Variants in MACF1 observed in about 807,000 individuals in gnomAD.
MACF1 encodes the protein microtubule actin crosslinking factor 1.
A neutral mutation model predicts 854.8 loss-of-function variants in MACF1; 193 were observed. The observed-to-expected ratio is 0.23, with a 90% confidence interval of 0.20 to 0.25. The LOEUF is 0.25. Among genes scored for constraint, MACF1 ranks in the 10% least tolerant of loss-of-function variants. The pLI is 1.00. For synonymous variants in MACF1, 3,185 were observed against 3,226.7 expected (o/e 0.99, Z 0.44); for missense variants, 7,722 against 8,929.1 (o/e 0.86, Z 5.45).
intron 52 of MACF1, 43 bp from the exon 53 acceptor site, chr1:39,378,418 C>T (rs1557619153): frequency 6.8e-7 from 1 of 1,467,226 alleles, no homozygotes. Flanking sequence ...GTATTCCTAA[C>T]ACGTTGGTCT....
rs573837366 is a variant in MACF1 at position 39,368,233 on chromosome 1, C to T, written c.12857C>T (p.Ala4286Val). The T allele has an allele frequency of 3.9e-5, 63 of 1,614,014 alleles. No homozygotes were observed. Among genetic ancestry groups the T allele is most frequent in the Middle Eastern group, 3.3e-4 (2 of 6,060 alleles). ...ACTGAACTGAGCTCTTGTGGCTTTG[C>T]GCTGGACTTGTGCCAGCATCAGGAC... ...LVTELSSCGF[A>V]LDLCQHQDRV... The change falls in exon 50 of 101, where the codon GCG (alanine) becomes GTG (valine). Residue 4286 changes from alanine to valine, a missense_variant. This residue lies in a region of MACF1 where 2,807 missense variants were observed against 3,235.8 expected (regional missense o/e 0.87). Transcript: ENST00000564288.
At chr1:39,262,439 C>T (rs1243075295) in intron 6 of MACF1, among the ~76,000 whole-genome samples, 3 of 122,404 alleles carry the variant, frequency 2.5e-5, no homozygotes, top group African/African-American at 8.8e-5. Context: ...ACAGAAGATA[C>T]AAAATTGAAC....
At position 39,359,155 on chromosome 1, in the gene MACF1, A is replaced by C; in HGVS notation, c.12135A>C (p.Glu4045Asp). ...TGGACAAGCAGCAGTTGCAGGAGGA[A>C]TTGGCTGAGCACCAAGTACCTGTGG... ...QLATTKQLQE[E>D]LAEHQVPVEK... Residue 4045 changes from glutamate to aspartate, a missense_variant, in exon 47 of 101, where the codon GAA (glutamate) becomes GAC (aspartate). Around this residue, in one of 15 missense-constraint regions of MACF1, gnomAD observed 2,807 missense variants for 3,235.8 expected, o/e 0.87. Transcript: ENST00000564288. 6.2e-7 allele frequency: 1 copy of C among 1,614,088 alleles called. No homozygotes were observed. The highest frequency in any genetic ancestry group is 1.1e-5 in the South Asian group (1 of 91,080).
rs978446329 is a variant in MACF1 at position 39,460,427 on chromosome 1, A to G, written c.21361-205A>G. Among the ~76,000 whole-genome samples, 9 of 152,206 alleles carry G rather than the reference A, an allele frequency of 5.9e-5. No homozygotes were observed. The highest frequency in any genetic ancestry group is 1.9e-4 in the African/African-American group (8 of 41,446). On this transcript the variant is annotated intron_variant, in intron 91 of 100. Transcript: ENST00000564288. The surrounding 1 kb of genome is among the most constrained non-coding windows in gnomAD (Gnocchi z 4.1). ...CAGTTATTGTTTCTCTTGCTATTCC[A>G]TTATACCATAGCTCGTGTAAATAGT... is the stretch of plus-strand genomic sequence containing the variant.
intron 52 of MACF1, among the ~76,000 whole-genome samples, chr1:39,373,896 G>A (rs1207500375): frequency 3.3e-5 from 5 of 150,798 alleles, no homozygotes; most frequent in Non-Finnish European, 7.4e-5. Context: ...TACAAAGATT[G>A]TGCCCAGATG....
intron 100 of MACF1, chr1:39,484,993 T>C (rs967797377): frequency 1.5e-5 from 8 of 526,736 alleles, no homozygotes; most frequent in Admixed American, 1.4e-4. Flanking sequence ...TTTGAGAGAA[T>C]GTAAAAGGAA....
intron 2 of MACF1, among the ~76,000 whole-genome samples, chr1:39,091,827 C>A (rs1239109014): frequency 6.6e-6 from 1 of 152,168 alleles, no homozygotes; most frequent in East Asian, 1.9e-4. Flanking sequence ...TCATGAATAT[C>A]ATTCATTCAC....
At chr1:39,093,084 A>G (rs1001140657) in intron 2 of MACF1, among the ~76,000 whole-genome samples, 2 of 151,852 alleles carry the variant, frequency 1.3e-5, no homozygotes, top group African/African-American at 4.8e-5. Flanking sequence ...GCGCCTGGCA[A>G]GTTCCTGTTT....
chr1:39,254,727 G>T (rs1645079045), intron 5 of MACF1: 2 of 258,584 alleles, frequency 7.7e-6, no homozygotes, highest in Non-Finnish European at 1.5e-5. Flanking sequence ...GAACCAGATT[G>T]CTATATCAAG....
chr1:39,122,337 C>T (rs1455768355), intron 2 of MACF1, among the ~76,000 whole-genome samples: 2 of 151,640 alleles, frequency 1.3e-5, no homozygotes, highest in Admixed American at 6.6e-5. Flanking sequence ...TCACTACAAC[C>T]TCTGCCTCCT....
intron 66 of MACF1, 30 bp from the exon 67 acceptor site, chr1:39,432,505 T>A (rs1440658082): frequency 2.7e-5 from 44 of 1,608,052 alleles, no homozygotes; most frequent in Non-Finnish European, 3.7e-5. Flanking sequence ...TGTATATAAT[T>A]TGTTTATTTT....
chr1:39,302,928 C>T lies in MACF1; in HGVS notation c.2639C>T (p.Thr880Ile). The change falls in exon 23 of 101, where the codon ACT becomes ATT. Residue 880 changes from threonine to isoleucine, a missense_variant. Transcript: ENST00000564288. ...AVCDYRQIEITICKNDECVLE... is the reference protein window; with the variant it reads ...AVCDYRQIEIIICKNDECVLE... ...CTGGTAAATTTATCTCTTCAGATTA[C>T]TATTTGCAAAAATGATGAATGTGTG... 6.2e-7 allele frequency: 1 copy of T among 1,613,620 alleles called. No individual in the cohort carries two copies. Among genetic ancestry groups the T allele is most frequent in the Non-Finnish European group, 8.5e-7 (1 of 1,179,620 alleles).
In MACF1 at chr1:39,385,733, A is replaced by G; in HGVS notation, c.14148A>G (p.Pro4716=). The G allele has an allele frequency of 6.2e-7, 1 of 1,614,224 alleles. No individual in the cohort carries two copies. The highest frequency in any genetic ancestry group is 1.1e-5 in the South Asian group (1 of 91,088). The change falls in exon 57 of 101, where the codon CCA becomes CCG. Residue 4716 remains proline (P), a synonymous_variant. Transcript: ENST00000564288. ...TCCAGTCAGCTATCAGCACCCAACC[A>G]GAGGCTGTAAAGCAGCAATTGGAAG... ...LSVQSAISTQ[P]EAVKQQLEET... is the part of the protein sequence containing the mutation.
Position 39,250,014 on chromosome 1 carries a change from G to C in MACF1, c.172G>C (p.Val58Leu), listed in dbSNP as rs753594860. 8.8e-6 allele frequency: 14 copies of C among 1,597,750 alleles called. No individual in the cohort carries two copies. The highest frequency in any genetic ancestry group is 5.5e-5 in the South Asian group (5 of 90,164). ...TKWVNKHLMKVRKHINDLYED... is the reference protein window; with the variant it reads ...TKWVNKHLMKLRKHINDLYED... ...CTGTCTGTTTCACTCTCATTCACAG[G>C]TCCGCAAGCACATCAATGATCTTTA... The change falls in exon 3 of 101, where the codon GTC becomes CTC. Residue 58 changes from valine (V) to leucine (L), a missense_variant and splice_region_variant. Val to Leu is a conservative substitution (Grantham distance 32). Coordinates refer to ENST00000564288, the MANE Select transcript of MACF1 (RefSeq NM_001394062.1).
intron 20 of MACF1, among the ~76,000 whole-genome samples, chr1:39,296,789 A>AAGG (rs1645917949): frequency 9.9e-6 from 1 of 100,728 alleles, no homozygotes; most frequent in African/African-American, 3.5e-5. Context: ...AGAAAGAAAG[A>AAGG]AAGGAAGGAA....
intron 2 of MACF1, among the ~76,000 whole-genome samples, chr1:39,190,401 G>GTTTTT (rs71057198): frequency 4.7e-5 from 5 of 105,972 alleles, no homozygotes; most frequent in East Asian, 2.8e-4. Flanking sequence ...GTTTGTTTTT[G>GTTTTT]TTTTTTTTTT....
Position 39,296,811 on chromosome 1 carries a change from A to AAAGGAAGG in MACF1, c.2356-782_2356-775dup, listed in dbSNP as rs751164815. On this transcript the variant is annotated intron_variant, in intron 20 of 100. Transcript: ENST00000564288. ...AAGAAAGGAAGGAAGGAAAAGAAAG[A>AAAGGAAGG]AAGGAAGGAAGGAAGGAAGGAAGGA... Among the ~76,000 whole-genome samples the AAAGGAAGG allele has an allele frequency of 3.8e-3, 400 of 106,368 alleles. 8 individuals carry two copies. Among genetic ancestry groups the AAAGGAAGG allele is most frequent in the African/African-American group, 0.018 (327 of 17,924 alleles). 69.8% of individuals were successfully genotyped at this position (106,368 alleles called of 152,430 possible). A position where few individuals can be genotyped will look rare whatever the true frequency, so the allele number is the denominator to read the frequency against.
chr1:39,120,400 T>G (rs1366037378), intron 2 of MACF1, among the ~76,000 whole-genome samples: 1 of 152,090 alleles, frequency 6.6e-6, no homozygotes, highest in Non-Finnish European at 1.5e-5. Context: ...TGAGTCTCAC[T>G]CTTGGCCAGG....
At position 39,334,868 on chromosome 1, in the gene MACF1, A is replaced by C; in HGVS notation, c.8280A>C (p.Gln2760His). 1 of 1,614,208 alleles carries C rather than the reference A, an allele frequency of 6.2e-7. No individual in the cohort carries two copies. The highest frequency in any genetic ancestry group is 8.5e-7 in the Non-Finnish European group (1 of 1,180,026). ...GCCCTGAACTGGCAAATATGATCCA[A>C]ATAGATAGTTCAGAGTTCAGCGATC... ...LISPELANMI[Q>H]IDSSEFSDHR... Residue 2760 changes from glutamine (Q) to histidine (H), a missense_variant, in exon 37 of 101, where the codon CAA becomes CAC. Gln to His is a conservative substitution (Grantham distance 24, BLOSUM62 0). Coordinates refer to ENST00000564288, the MANE Select transcript of MACF1 (RefSeq NM_001394062.1).
Sources: allele counts gnomAD v4.1 joint callset (sites outside exome capture counted in the v4.1 genomes callset), GRCh38; gene constraint gnomAD v4.1.1; regional missense constraint gnomAD v4.1.1; non-coding constraint Gnocchi (gnomAD v3.1); transcripts MANE v1.5; gene names NCBI Gene and HGNC (gene_info 2026-07-23, HGNC 2026-07-21).